CACNA1B: variants seen among roughly 807,000 people sequenced by gnomAD.
CACNA1B encodes voltage-dependent N-type calcium channel subunit alpha-1B.
A neutral mutation model predicts 247.2 loss-of-function variants in CACNA1B; 70 were observed. The ratio of observed to expected loss-of-function variants is 0.28; its 90% CI spans 0.23 to 0.35. The LOEUF (loss-of-function observed/expected upper bound fraction) is 0.35, where lower values mean the gene tolerates loss of function less well. CACNA1B is among the 10% of genes least tolerant of loss of function. The pLI, the probability that CACNA1B is intolerant of heterozygous loss-of-function variation, is 1.00. For synonymous variants in CACNA1B, 1,231 were observed against 1,294.4 expected (o/e 0.95, Z 1.05); for missense variants, 2,367 against 3,197.4 (o/e 0.74, Z 6.26).
Position 138,121,990 on chromosome 9 carries a change from C to G in CACNA1B, c.7011C>G (p.His2337Gln). 6.3e-7 allele frequency: 1 copy of G among 1,598,018 alleles called. No homozygotes were observed. Among genetic ancestry groups the G allele is most frequent in the South Asian group, 1.1e-5 (1 of 90,960 alleles). Residue 2337 changes from histidine (H) to glutamine (Q), a missense_variant, in exon 47 of 47, where the codon CAC becomes CAG. By Grantham distance (24) the His-to-Gln change is conservative (BLOSUM62 0). Transcript: ENST00000371372. This position sits in a 1 kb window ranked among gnomAD's most constrained non-coding sequence, Gnocchi z 6.8. ...GCTACCACCACCCTGACCAAGACCA[C>G]TGGTGCTAGCTGCACCGTGACCGCT... is the stretch of plus-strand genomic sequence containing the variant. Reference protein sequence around the residue: ...RHSYHHPDQDHWC With the variant: ...RHSYHHPDQDQWC
chr9:138,096,441 C>A, intron 36 of CACNA1B, 43 bp from the exon 37 acceptor site: 2 of 1,592,078 alleles, frequency 1.3e-6, no homozygotes, highest in South Asian at 1.1e-5. Context: ...GGAGGGCAGG[C>A]TGAGGTCTCT....
intron 36 of CACNA1B, among the ~76,000 whole-genome samples, chr9:138,086,823 G>A (rs1341928352): frequency 1.3e-5 from 2 of 151,232 alleles, no homozygotes; most frequent in African/African-American, 4.9e-5. Context: ...GGACCTAACA[G>A]ACATTTCCAG....
At position 138,102,440 on chromosome 9, in the gene CACNA1B, G is replaced by A. The variant is rs911362486; in HGVS notation, c.5223-271G>A. 1.3e-5 allele frequency among the ~76,000 whole-genome samples: 2 copies of A among 152,108 alleles called. No individual in the cohort carries two copies. The highest frequency in any genetic ancestry group is 2.4e-5 in the African/African-American group (1 of 41,430). The stretch of plus-strand genomic sequence containing the variant: ...CCCCTCCATGTTCATTAGCTCAGAC[G>A]CCACCCCCGCCCACTGCCCCGCGTG... On this transcript the variant is annotated intron_variant, in intron 37 of 46. Transcript: ENST00000371372. The surrounding 1 kb of genome is among the most constrained non-coding windows in gnomAD (Gnocchi z 5.4).
intron 3 of CACNA1B, among the ~76,000 whole-genome samples, chr9:137,895,145 C>G (rs574393698): frequency 3.9e-5 from 6 of 152,320 alleles, no homozygotes; most frequent in East Asian, 1.9e-4. Context: ...TTATCAAAAA[C>G]CAACTGGGCG....
intron 10 of CACNA1B, among the ~76,000 whole-genome samples, chr9:137,970,196 C>CGGGG (rs1249798447): frequency 1.3e-5 from 2 of 152,216 alleles, no homozygotes; most frequent in Non-Finnish European, 1.5e-5. Context: ...TCCCCACATC[C>CGGGG]TCACACAGGG....
chr9:137,905,004 T>A (rs955692832), intron 3 of CACNA1B, among the ~76,000 whole-genome samples: 1 of 152,160 alleles, frequency 6.6e-6, no homozygotes, highest in African/African-American at 2.4e-5. Flanking sequence ...AGAAACTAGT[T>A]TCTAAATGTC....
intron 20 of CACNA1B, among the ~76,000 whole-genome samples, chr9:138,028,977 A>AG (rs1958955295): frequency 6.6e-6 from 1 of 152,244 alleles, no homozygotes; most frequent in Non-Finnish European, 1.5e-5. Flanking sequence ...TCCATCTTGA[A>AG]GGATTAGCTC....
chr9:137,994,089 A>T (rs1259555245), intron 15 of CACNA1B, among the ~76,000 whole-genome samples: 1 of 152,226 alleles, frequency 6.6e-6, no homozygotes, highest in Non-Finnish European at 1.5e-5. Context: ...CAGAATTAAA[A>T]ACCAAAATCA....
chr9:137,999,822 T>C (rs1589057938), intron 15 of CACNA1B, among the ~76,000 whole-genome samples: 1 of 152,116 alleles, frequency 6.6e-6, no homozygotes, highest in Admixed American at 6.6e-5. Flanking sequence ...CAAGTACTTA[T>C]ATGAAAAATC....
intron 6 of CACNA1B, among the ~76,000 whole-genome samples, chr9:137,927,866 A>G (rs941640071): frequency 6.6e-6 from 1 of 152,122 alleles, no homozygotes; most frequent in Non-Finnish European, 1.5e-5. Flanking sequence ...GAATTTTGTC[A>G]CATGTGTTTT....
chr9:138,005,164 C>T (rs1472041537), intron 15 of CACNA1B, among the ~76,000 whole-genome samples: 2 of 152,236 alleles, frequency 1.3e-5, no homozygotes, highest in Non-Finnish European at 2.9e-5. Context: ...CTGCCTGCCT[C>T]CTCATGCTCA....
In CACNA1B at chr9:138,007,895, C is replaced by G. The variant is rs762973345; in HGVS notation, c.2092+1011C>G. Among the ~76,000 whole-genome samples the G allele has an allele frequency of 2.6e-5, 4 of 152,214 alleles. No individual in the cohort carries two copies. The highest frequency in any genetic ancestry group is 4.4e-5 in the Non-Finnish European group (3 of 68,034). The stretch of plus-strand genomic sequence containing the variant: ...TCTGCCTCACTGGTGCCGGTGCCCT[C>G]AGTGCCCTTGCAGACTTCACCTTCT... On this transcript the variant is annotated intron_variant, in intron 16 of 46. Coordinates refer to ENST00000371372, the MANE Select transcript of CACNA1B (RefSeq NM_000718.4). The surrounding 1 kb of genome is among the most constrained non-coding windows in gnomAD (Gnocchi z 4.1).
At position 138,075,325 on chromosome 9, in the gene CACNA1B, C is replaced by T. The variant is rs565051426; in HGVS notation, c.4858-494C>T. On this transcript the variant is annotated intron_variant, in intron 34 of 46. Transcript: ENST00000371372. ...GTGTCATAGTTCATAAATTTGCAGC[C>T]AGATTCCAGATTTTGGGCTGAGTAC... Among the ~76,000 whole-genome samples the T allele has an allele frequency of 7.2e-5, 11 of 152,316 alleles. No homozygotes were observed. The East Asian group carries it at 1.7e-3, about 24-fold the overall frequency.
At chr9:137,982,910 G>A (rs1012708136) in intron 12 of CACNA1B, among the ~76,000 whole-genome samples, 5 of 152,208 alleles carry the variant, frequency 3.3e-5, no homozygotes, top group East Asian at 1.9e-4. Flanking sequence ...GCGATCTGTG[G>A]ACAACGTAGA....
chr9:137,883,087 A>G, intron 3 of CACNA1B: 1 of 615,234 alleles, frequency 1.6e-6, no homozygotes, highest in Non-Finnish European at 2.8e-6. Flanking sequence ...CCAGTGCTGT[A>G]TTTCTCGCTG....
intron 11 of CACNA1B, among the ~76,000 whole-genome samples, chr9:137,972,362 G>T (rs1352252133): frequency 1.3e-5 from 2 of 152,168 alleles, no homozygotes; most frequent in African/African-American, 4.8e-5. Flanking sequence ...CACCCTGCTG[G>T]GTGTCTACAG....
rs199622481 is a variant in CACNA1B, at chr9:138,120,733, G to A, written c.6341G>A (p.Arg2114Gln). The A allele has an allele frequency of 3.9e-6, 6 of 1,540,380 alleles. No individual in the cohort carries two copies. The African/African-American group carries it at 4.2e-5, about 11-fold the overall frequency. ...CAGGAGCGGGGCCGGTCCCAGGAGC[G>A]GAGGCAGCCCTCATCCTCCTCCTCG... ...RRQERGRSQERRQPSSSSSEK... is the reference protein window; with the variant it reads ...RRQERGRSQEQRQPSSSSSEK... Residue 2114 changes from arginine (R) to glutamine (Q), a missense_variant, in exon 46 of 47, where the codon CGG becomes CAG. Around this residue, in one of 12 missense-constraint regions of CACNA1B, gnomAD observed 773 missense variants for 779.4 expected, o/e 0.99. Transcript: ENST00000371372.
intron 1 of CACNA1B, 37 bp from the exon 2 acceptor site, chr9:137,879,017 C>T (rs1454211121): frequency 1.4e-6 from 2 of 1,383,424 alleles, no homozygotes; most frequent in East Asian, 2.4e-5. Context: ...TGTTTCCCTC[C>T]GTGCGGCGTC....
intron 6 of CACNA1B, among the ~76,000 whole-genome samples, chr9:137,948,067 G>T (rs555750185): frequency 7.7e-6 from 1 of 129,730 alleles, no homozygotes; most frequent in Non-Finnish European, 1.5e-5. Flanking sequence ...TGCAAACTCC[G>T]CCTCCCAAGC....
Sources: allele counts gnomAD v4.1 joint callset (sites outside exome capture counted in the v4.1 genomes callset), GRCh38; gene constraint gnomAD v4.1.1; regional missense constraint gnomAD v4.1.1; non-coding constraint Gnocchi (gnomAD v3.1); transcripts MANE v1.5; gene names NCBI Gene and HGNC (gene_info 2026-07-23, HGNC 2026-07-21).